Variants in AEBP2 observed in about 807,000 individuals in gnomAD.
The protein encoded by AEBP2 is AE binding protein 2.
Under a neutral mutation model 50.8 loss-of-function variants are expected in AEBP2, and 10 were observed. The ratio of observed to expected loss-of-function variants is 0.20; its 90% CI spans 0.12 to 0.33. The LOEUF is 0.33. AEBP2 is among the 10% of genes least tolerant of loss of function. AEBP2 has a pLI of 1.00. For synonymous variants in AEBP2, 296 were observed against 261.3 expected (o/e 1.13, Z -1.28); for missense variants, 570 against 688.0 (o/e 0.83, Z 1.92).
intron 5 of AEBP2, among the ~76,000 whole-genome samples, chr12:19,505,451 C>T (rs769821509): frequency 3.3e-5 from 5 of 152,174 alleles, no homozygotes; most frequent in East Asian, 1.9e-4. Context: ...TGCAGCTACT[C>T]TAATGGAAGA....
intron 2 of AEBP2, chr12:19,466,913 T>C (rs1467118087): frequency 3.0e-6 from 2 of 671,070 alleles, no homozygotes; most frequent in East Asian, 1.4e-4. Flanking sequence ...CTATAATCTT[T>C]GCCCTGGGGA....
intron 3 of AEBP2, among the ~76,000 whole-genome samples, chr12:19,480,502 CTT>C (rs1052575568): frequency 2.0e-4 from 31 of 152,314 alleles, no homozygotes; most frequent in Admixed American, 1.8e-3. Flanking sequence ...GACAAATTCT[CTT>C]AGCCTTTGTC....
At chr12:19,430,398 G>C (rs2095750816) in intron 1 of AEBP2, among the ~76,000 whole-genome samples, 1 of 152,188 alleles carries the variant, frequency 6.6e-6, no homozygotes, top group Non-Finnish European at 1.5e-5. Flanking sequence ...ATAGTTTGAA[G>C]TCAGGTAGTG....
intron 5 of AEBP2, among the ~76,000 whole-genome samples, chr12:19,504,393 C>T (rs1592777481): frequency 2.0e-5 from 3 of 150,122 alleles, no homozygotes; most frequent in South Asian, 4.2e-4. Flanking sequence ...CCCCCCACCA[C>T]GCCTGGCTAA....
chr12:19,473,298 C>T lies in AEBP2; in HGVS notation c.930C>T (p.Thr310=). 6.4e-7 allele frequency: 1 copy of T among 1,553,286 alleles called. No individual in the cohort carries two copies. The highest frequency in any genetic ancestry group is 8.7e-7 in the Non-Finnish European group (1 of 1,149,556). Residue 310 remains threonine, a synonymous_variant, in exon 3 of 8, where the codon ACC becomes ACT. Transcript: ENST00000266508. ...KGCKVYNTPS[T]SQSWLQRHML... ...GTAAAGTATATAACACTCCATCTAC[C>T]AGTCAAAGTTGGTTACAAAGGCATA...
chr12:19,509,400 T>G (rs1006836273), intron 5 of AEBP2, among the ~76,000 whole-genome samples: 18 of 152,156 alleles, frequency 1.2e-4, no homozygotes, highest in African/African-American at 4.1e-4. Flanking sequence ...GGCTTTGGCT[T>G]GATTAGTTAA....
At chr12:19,485,951 T>TGC (rs1565726570) in intron 3 of AEBP2, among the ~76,000 whole-genome samples, 1 of 132,200 alleles carries the variant, frequency 7.6e-6, no homozygotes, top group African/African-American at 3.1e-5. Flanking sequence ...GCCTCTGCTT[T>TGC]TTTTTTTTTT....
At chr12:19,499,029 A>G (rs1396306783) in intron 4 of AEBP2, among the ~76,000 whole-genome samples, 1 of 152,186 alleles carries the variant, frequency 6.6e-6, no homozygotes, top group African/African-American at 2.4e-5. Context: ...AAGAAAAAGA[A>G]AAAAACCAGT....
chr12:19,502,042 G>C (rs1592774919), intron 5 of AEBP2, among the ~76,000 whole-genome samples: 3 of 152,078 alleles, frequency 2.0e-5, no homozygotes, highest in Admixed American at 2.0e-4. Context: ...TTTATATAAA[G>C]GCCTTTTAGA....
At chr12:19,440,862 T>A in intron 1 of AEBP2, 7 of 1,112,586 alleles carry the variant, frequency 6.3e-6, no homozygotes, top group South Asian at 1.5e-5. Flanking sequence ...CACTTTTCTC[T>A]ACTTAAACAA....
At position 19,519,707 on chromosome 12, in the gene AEBP2, CA is replaced by C. The variant is rs1374686653; in HGVS notation, c.*1594del. 6.6e-6 allele frequency: 1 copy of C among 152,356 alleles called. No homozygotes were observed. The highest frequency in any genetic ancestry group is 2.4e-5 in the African/African-American group (1 of 41,386). 9.4% of individuals were successfully genotyped at this position (152,356 alleles called of 1,614,324 possible). A position where few individuals can be genotyped will look rare whatever the true frequency, so the allele number is the denominator to read the frequency against. On this transcript the variant is annotated 3_prime_UTR_variant, in exon 8 of 8. Transcript: ENST00000266508. ...AATATAGAATTAAAACCTTTGGTTCCAAAATGGGAAAGGTTCCACGATACAT... is the reference window on the plus strand; with the variant it reads ...AATATAGAATTAAAACCTTTGGTTCCAAATGGGAAAGGTTCCACGATACAT...
intron 1 of AEBP2, among the ~76,000 whole-genome samples, chr12:19,441,755 G>A (rs900386542): frequency 1.2e-4 from 19 of 152,212 alleles, no homozygotes; most frequent in African/African-American, 4.1e-4. Flanking sequence ...ATGTCTTCAA[G>A]AAAATTAAAA....
At position 19,481,092 on chromosome 12, in the gene AEBP2, C is replaced by CTTTTTTTT. The variant is rs71067027; in HGVS notation, c.987+7756_987+7763dup. Among the ~76,000 whole-genome samples the CTTTTTTTT allele has an allele frequency of 9.5e-5, 7 of 74,050 alleles. 1 individual carries two copies. The highest frequency in any genetic ancestry group is 3.4e-4 in the African/African-American group (6 of 17,554). The allele number at this position is 74,050 out of a possible 152,430, so 48.6% of individuals were successfully genotyped here. ...TGTTATTGAAACTTTGCAGTGCATC[C>CTTTTTTTT]TTTTTTTTTTTTTTTTTTTTTTTTT... On this transcript the variant is annotated intron_variant, in intron 3 of 7. Transcript: ENST00000266508.
At chr12:19,501,797 G>GTTTTTTTTTTTTTTTTTTTTTTT (rs754195220) in intron 5 of AEBP2, among the ~76,000 whole-genome samples, 11 of 70,902 alleles carry the variant, frequency 1.6e-4, no homozygotes, top group South Asian at 6.7e-4. Flanking sequence ...AAATGAGTTT[G>GTTTTTTTTTTTTTTTTTTTTTTT]TTTTTTTTTT....
chr12:19,475,356 A>G (rs12322353), intron 3 of AEBP2, among the ~76,000 whole-genome samples: 7,645 of 152,192 alleles, frequency 0.05, 630 homozygotes, highest in African/African-American at 0.17. Context: ...TTCACTTAGA[A>G]TAATGGTCTC....
At chr12:19,459,809 T>A (rs1777491037) in intron 1 of AEBP2, among the ~76,000 whole-genome samples, 1 of 152,180 alleles carries the variant, frequency 6.6e-6, no homozygotes, top group Non-Finnish European at 1.5e-5. Context: ...TAGAATATCC[T>A]TTAAAGGAAA....
At chr12:19,445,241 C>A (rs565094118) in intron 1 of AEBP2, among the ~76,000 whole-genome samples, 31 of 152,192 alleles carry the variant, frequency 2.0e-4, no homozygotes, top group African/African-American at 6.3e-4. Flanking sequence ...CTCTGTCACC[C>A]AGGCTGGAGT....
At chr12:19,413,133 G>T (rs2095740374) in intron 1 of AEBP2, 4 of 715,990 alleles carry the variant, frequency 5.6e-6, no homozygotes, top group Non-Finnish European at 7.8e-6. Flanking sequence ...CATTTGTTCT[G>T]ACCCAAGTTT....
At chr12:19,516,643 C>G (rs1254157580) in intron 7 of AEBP2, among the ~76,000 whole-genome samples, 1 of 152,164 alleles carries the variant, frequency 6.6e-6, no homozygotes, top group Non-Finnish European at 1.5e-5. Flanking sequence ...TGTGATTCCA[C>G]AAGTCTTGTT....
Sources: gnomAD v4.1 joint callset for allele counts (sites outside exome capture counted in the v4.1 genomes callset) on GRCh38, gnomAD v4.1.1 for gene constraint, MANE v1.5 for transcripts, NCBI Gene and HGNC (gene_info 2026-07-23, HGNC 2026-07-21) for gene names.